Variants in MYO16 observed in about 807,000 individuals in gnomAD.
MYO16 encodes the protein myosin XVI, also known as unconventional myosin-XVI.
MYO16 carries 94 observed loss-of-function variants against 205.3 expected under a neutral mutation model. That is an observed-to-expected ratio of 0.46 (90% CI 0.39 to 0.54). MYO16 has a LOEUF of 0.54. Ranked by LOEUF, MYO16 falls within the 20% of genes least tolerant of loss-of-function variation. The pLI is 0.00. For missense variants in MYO16, 2,315 were observed against 2,387.5 expected (o/e 0.97, Z 0.63); for synonymous variants, 988 against 954.0 (o/e 1.04, Z -0.66).
intron 2 of MYO16, among the ~76,000 whole-genome samples, chr13:108,675,065 C>T (rs1882143714): frequency 6.6e-6 from 1 of 152,202 alleles, no homozygotes; most frequent in South Asian, 2.1e-4. Flanking sequence ...GAATGTGAAG[C>T]TGTGGATTCA....
intron 5 of MYO16, among the ~76,000 whole-genome samples, chr13:108,789,779 G>A (rs977967487): frequency 1.3e-5 from 2 of 152,192 alleles, no homozygotes; most frequent in Non-Finnish European, 2.9e-5. Context: ...TCATGGGATA[G>A]GTCATATTAT....
At chr13:109,112,117 T>TATACGGGAAGTA (rs1889306408) in intron 28 of MYO16, among the ~76,000 whole-genome samples, 1 of 152,160 alleles carries the variant, frequency 6.6e-6, no homozygotes, top group Non-Finnish European at 1.5e-5. Flanking sequence ...TTCACATTGG[T>TATACGGGAAGTA]TTTCTGCTTC....
the MYO16 span, among the ~76,000 whole-genome samples, chr13:108,588,935 C>G: frequency 6.6e-6 from 1 of 151,608 alleles, no homozygotes; most frequent in Admixed American, 6.6e-5. Flanking sequence ...TGTTTTTACT[C>G]TTGATAATAA....
At chr13:108,618,965 A>G (rs1012927259) in intron 1 of MYO16, among the ~76,000 whole-genome samples, 3 of 152,142 alleles carry the variant, frequency 2.0e-5, no homozygotes, top group Non-Finnish European at 4.4e-5. Context: ...CATTTGTTCT[A>G]GAAAGTTCCC....
At chr13:108,670,683 G>A (rs1486372908) in intron 2 of MYO16, among the ~76,000 whole-genome samples, 1 of 152,190 alleles carries the variant, frequency 6.6e-6, no homozygotes, top group East Asian at 1.9e-4. Flanking sequence ...AAGAATTTCA[G>A]TAATGGTTCG....
intron 6 of MYO16, among the ~76,000 whole-genome samples, chr13:108,795,451 G>T (rs570637251): frequency 2.0e-5 from 3 of 151,990 alleles, no homozygotes; most frequent in East Asian, 1.9e-4. Flanking sequence ...CTCGTGATCC[G>T]CCCGCCTTGG....
At chr13:108,671,216 T>G (rs1881974995) in intron 2 of MYO16, among the ~76,000 whole-genome samples, 1 of 152,216 alleles carries the variant, frequency 6.6e-6, no homozygotes, top group African/African-American at 2.4e-5. Flanking sequence ...GTGTAATGAT[T>G]ATGTTAAGGT....
In MYO16 at chr13:108,676,937, C is replaced by CA. The variant is rs1214951210; in HGVS notation, c.292+10788_292+10789insA. ...CCCCGACATCCTCAGGTGAAACACA[C>CA]GAAGCCCTTCCCCTGCAGCATTGCC... On this transcript the variant is annotated intron_variant, in intron 2 of 34. Transcript: ENST00000457511. Among the ~76,000 whole-genome samples the CA allele has an allele frequency of 2.6e-5, 4 of 152,172 alleles. No individual in the cohort carries two copies. In the East Asian group the frequency reaches 5.8e-4, roughly 22 times the overall value.
intron 22 of MYO16, among the ~76,000 whole-genome samples, chr13:109,009,495 G>A (rs1022219594): frequency 5.3e-5 from 8 of 152,014 alleles, no homozygotes; most frequent in African/African-American, 9.7e-5. Context: ...ATATAATGTC[G>A]GTTAAATTAA....
rs1182741895 is a variant in MYO16 at position 109,141,014 on chromosome 13, C to T, written c.4802C>T (p.Pro1601Leu). 5.3e-6 allele frequency: 7 copies of T among 1,323,246 alleles called. No homozygotes were observed. The highest frequency in any genetic ancestry group is 6.7e-6 in the Non-Finnish European group (7 of 1,039,376). 82.0% of individuals were successfully genotyped at this position (1,323,246 alleles called of 1,614,324 possible). A position where few individuals can be genotyped will look rare whatever the true frequency, so the allele number is the denominator to read the frequency against. Residue 1601 changes from proline (P) to leucine (L), a missense_variant, in exon 32 of 35, where the codon CCG (proline) becomes CTG (leucine). Physicochemically the swap from Pro to Leu is moderately conservative, Grantham distance 98. This residue lies in a region of MYO16 where 1,097 missense variants were observed against 1,092.0 expected (regional missense o/e 1.00). Coordinates refer to ENST00000457511, the MANE Select transcript of MYO16 (RefSeq NM_001198950.3). This position sits in a 1 kb window ranked among gnomAD's most constrained non-coding sequence, Gnocchi z 4.1. ...TCCACGCCGCCCCCGCCCCCGCCCC[C>T]GCCCGGGCCGCCCCCCGCGCCCTAC... ...PPSTPPPPPP[P>L]PGPPPAPYRP...
chr13:109,132,025 C>T (rs892103057), intron 31 of MYO16, among the ~76,000 whole-genome samples: 12 of 152,176 alleles, frequency 7.9e-5, no homozygotes, highest in Non-Finnish European at 1.6e-4. Context: ...TTGCCCAGGA[C>T]GTAGCAAGCG....
At chr13:109,097,156 C>T (rs71440013) in intron 27 of MYO16, among the ~76,000 whole-genome samples, 8,476 of 152,250 alleles carry the variant, frequency 0.056, 321 homozygotes, top group Non-Finnish European at 0.083. Flanking sequence ...ATGTGAAACC[C>T]TGTCTCTACT....
At chr13:108,964,923 G>C in intron 20 of MYO16, 21 bp downstream of exon 20, 1 of 1,611,748 alleles carries the variant, frequency 6.2e-7, no homozygotes, top group Non-Finnish European at 8.5e-7. Flanking sequence ...ATGGATGTTC[G>C]GTTCTGTTGT....
intron 15 of MYO16, among the ~76,000 whole-genome samples, chr13:108,906,220 G>C (rs1236758488): frequency 6.6e-6 from 1 of 152,138 alleles, no homozygotes; most frequent in Non-Finnish European, 1.5e-5. Flanking sequence ...ACTCAAAAGG[G>C]AGGGATGTCC....
rs79006913 is a variant in MYO16, at chr13:108,670,438, T to C, written c.292+4289T>C. Among the ~76,000 whole-genome samples, 594 of 152,278 alleles carry C rather than the reference T, an allele frequency of 3.9e-3. 5 individuals are homozygous for C. The highest frequency in any genetic ancestry group is 0.014 in the African/African-American group (567 of 41,558). On this transcript the variant is annotated intron_variant, in intron 2 of 34. Coordinates refer to ENST00000457511, the MANE Select transcript of MYO16 (RefSeq NM_001198950.3). The stretch of plus-strand genomic sequence containing the variant: ...AACTTCTGATCTAGAGAATGGCAGA[T>C]GTGGTATGAACCTGTGGTTATTCTC...
At chr13:108,753,370 C>CAAAAAAAAAA (rs534466420) in intron 4 of MYO16, among the ~76,000 whole-genome samples, 3 of 111,774 alleles carry the variant, frequency 2.7e-5, no homozygotes, top group African/African-American at 1.1e-4. Flanking sequence ...AACTCTGTGA[C>CAAAAAAAAAA]AAAAAAAAAA....
intron 16 of MYO16, among the ~76,000 whole-genome samples, chr13:108,925,277 G>A (rs1032979871): frequency 1.3e-5 from 2 of 152,088 alleles, no homozygotes; most frequent in African/African-American, 2.4e-5. Flanking sequence ...GTGACAATGG[G>A]GCAATTGGGG....
intron 23 of MYO16, among the ~76,000 whole-genome samples, chr13:109,046,061 T>C (rs1156613059): frequency 6.6e-6 from 1 of 151,854 alleles, no homozygotes; most frequent in Non-Finnish European, 1.5e-5. Flanking sequence ...ATCCTCGCCC[T>C]CCCTCATGGC....
intron 23 of MYO16, among the ~76,000 whole-genome samples, chr13:109,022,137 A>G (rs58132711): frequency 7.3e-5 from 10 of 136,608 alleles, no homozygotes; most frequent in African/African-American, 2.6e-4. Context: ...ATATACATAT[A>G]TATATTTATA....
Sources: allele counts gnomAD v4.1 joint callset (sites outside exome capture counted in the v4.1 genomes callset), GRCh38; gene constraint gnomAD v4.1.1; regional missense constraint gnomAD v4.1.1; non-coding constraint Gnocchi (gnomAD v3.1); transcripts MANE v1.5; gene names NCBI Gene and HGNC (gene_info 2026-07-23, HGNC 2026-07-21).